The following ARSB variants were observed in gnomAD, a reference collection of about 807,000 sequenced individuals.
ARSB encodes arylsulfatase B, also known as N-acetylgalactosamine-4-sulfatase.
ARSB carries 41 observed loss-of-function variants against 50.9 expected under a neutral mutation model. That is an observed-to-expected ratio of 0.81 (90% CI 0.63 to 1.04). The LOEUF is 1.04. Ranked by LOEUF, ARSB falls within the 50% of genes least tolerant of loss-of-function variation. The probability of loss-of-function intolerance (pLI) is 0.00; values close to 1 mark genes in which losing one functional copy is unlikely to be tolerated. For missense variants in ARSB, 672 were observed against 693.3 expected, an observed-to-expected ratio of 0.97 and a Z score of 0.35; for synonymous variants, 269 against 284.8, an observed-to-expected ratio of 0.94 and a Z score of 0.56.
intron 6 of ARSB, among the ~76,000 whole-genome samples, chr5:78,812,696 TTAA>T (rs988431710): frequency 1.3e-5 from 2 of 151,280 alleles, no homozygotes; most frequent in Non-Finnish European, 2.9e-5. Context: ...ACACATGAGT[TTAA>T]TAATAATTGA....
At chr5:78,784,337 G>A (rs1349473956) in intron 6 of ARSB, among the ~76,000 whole-genome samples, 1 of 152,114 alleles carries the variant, frequency 6.6e-6, no homozygotes, top group East Asian at 1.9e-4. Flanking sequence ...CCAAACGAAA[G>A]GAAATCGGTA....
chr5:78,835,178 G>A (rs1266711150), intron 6 of ARSB, among the ~76,000 whole-genome samples: 3 of 152,000 alleles, frequency 2.0e-5, no homozygotes, highest in South Asian at 4.2e-4. Context: ...ATTTTGTGCC[G>A]ATCTTTGAGT....
intron 5 of ARSB, among the ~76,000 whole-genome samples, chr5:78,853,090 T>C (rs1244036578): frequency 2.0e-5 from 3 of 152,256 alleles, no homozygotes; most frequent in African/African-American, 4.8e-5. Flanking sequence ...CTTTGTTCCG[T>C]TGCTGGTGTG....
chr5:78,934,683 G>C (rs1750501399), intron 4 of ARSB, among the ~76,000 whole-genome samples: 1 of 151,932 alleles, frequency 6.6e-6, no homozygotes, highest in Non-Finnish European at 1.5e-5. Context: ...CCAGCTACTT[G>C]TGAGGTGGAG....
chr5:78,978,666 T>C (rs1315342943), intron 1 of ARSB, among the ~76,000 whole-genome samples: 1 of 152,202 alleles, frequency 6.6e-6, no homozygotes, highest in African/African-American at 2.4e-5. Flanking sequence ...GATAGGCATG[T>C]AGATCAATGG....
chr5:78,924,824 C>T (rs1205333458), intron 4 of ARSB, among the ~76,000 whole-genome samples: 2 of 152,136 alleles, frequency 1.3e-5, no homozygotes, highest in Non-Finnish European at 2.9e-5. Flanking sequence ...TGACATGTAA[C>T]TTTAAAAGCA....
intron 5 of ARSB, among the ~76,000 whole-genome samples, chr5:78,840,532 TAAAAC>T (rs936436139): frequency 6.6e-6 from 1 of 152,164 alleles, no homozygotes; most frequent in African/African-American, 2.4e-5. Flanking sequence ...TGAATTAATT[TAAAAC>T]AAAACAAAAT....
intron 5 of ARSB, among the ~76,000 whole-genome samples, chr5:78,860,809 C>G (rs1746396778): frequency 6.6e-6 from 1 of 152,060 alleles, no homozygotes; most frequent in Non-Finnish European, 1.5e-5. Context: ...TCAAAAAAAT[C>G]AATGAATCCA....
intron 1 of ARSB, among the ~76,000 whole-genome samples, chr5:78,976,762 A>G (rs1166542705): frequency 6.6e-6 from 1 of 152,234 alleles, no homozygotes; most frequent in South Asian, 2.1e-4. Flanking sequence ...TTTAGTGTAT[A>G]ATAGCCTCAA....
At position 78,985,082 on chromosome 5, in the gene ARSB, C is replaced by A; in HGVS notation, c.167G>T (p.Gly56Val). Residue 56 changes from glycine to valine, a missense_variant, in exon 1 of 8, where the codon GGC becomes GTC. Transcript: ENST00000264914. ...GCCGTGGAAGCCGACGTCGTTCCAGCCTAGGTCGTCTGCCAGCAAGAAGAC... is the reference window on the plus strand; with the variant it reads ...GCCGTGGAAGCCGACGTCGTTCCAGACTAGGTCGTCTGCCAGCAAGAAGAC... ...HLVFLLADDL[G>V]WNDVGFHGSR... The A allele has an allele frequency of 6.5e-7, 1 of 1,534,284 alleles. No individual in the cohort carries two copies. Among genetic ancestry groups the A allele is most frequent in the Non-Finnish European group, 8.8e-7 (1 of 1,140,498 alleles).
chr5:78,973,484 T>C (rs950896301), intron 1 of ARSB, among the ~76,000 whole-genome samples: 7 of 152,220 alleles, frequency 4.6e-5, no homozygotes, highest in African/African-American at 1.7e-4. Context: ...ATTTACATAT[T>C]GGTTGCACGT....
At chr5:78,977,445 C>G (rs191442599) in intron 1 of ARSB, among the ~76,000 whole-genome samples, 1 of 152,182 alleles carries the variant, frequency 6.6e-6, no homozygotes, top group Non-Finnish European at 1.5e-5. Flanking sequence ...TGAGCCACCA[C>G]GCCTGGCCTG....
In ARSB at chr5:78,781,862, C is replaced by A. The variant is rs537543103; in HGVS notation, c.1326G>T (p.Thr442=). 6.2e-7 allele frequency: 1 copy of A among 1,614,014 alleles called. No individual in the cohort carries two copies. The highest frequency in any genetic ancestry group is 2.2e-5 in the East Asian group (1 of 44,874). The change falls in exon 7 of 8, where the codon ACG becomes ACT. Residue 442 remains threonine, a synonymous_variant. Coordinates refer to ENST00000264914, the MANE Select transcript of ARSB (RefSeq NM_000046.5). The part of the protein sequence containing the change: ...AIRHGNWKLL[T]GYPGCGYWFP... The stretch of plus-strand genomic sequence containing the variant: ...AGCTAAGGACTCTACCTGGGTAGCC[C>A]GTGAGGAGTTTCCAATTTCCATGTC...
intron 4 of ARSB, among the ~76,000 whole-genome samples, chr5:78,895,624 A>G (rs1330098435): frequency 6.6e-6 from 1 of 152,214 alleles, no homozygotes; most frequent in Admixed American, 6.5e-5. Context: ...CTGAAAAGAG[A>G]GAAAATTATT....
At chr5:78,867,057 A>G (rs1044010003) in intron 5 of ARSB, among the ~76,000 whole-genome samples, 8 of 152,320 alleles carry the variant, frequency 5.3e-5, no homozygotes, top group Middle Eastern at 3.4e-3. Flanking sequence ...AAGGGGTGAC[A>G]GACGCACCTG....
At chr5:78,848,853 C>T (rs537709471) in intron 5 of ARSB, among the ~76,000 whole-genome samples, 1 of 152,294 alleles carries the variant, frequency 6.6e-6, no homozygotes, top group Admixed American at 6.5e-5. Flanking sequence ...TGTCTTTTGG[C>T]TGCATAAATG....
At chr5:78,808,685 C>G (rs1743678491) in intron 6 of ARSB, among the ~76,000 whole-genome samples, 1 of 152,184 alleles carries the variant, frequency 6.6e-6, no homozygotes, top group Non-Finnish European at 1.5e-5. Flanking sequence ...ATTTCCGGAG[C>G]CACAGGCAGC....
chr5:78,868,898 G>A (rs1474051284), intron 5 of ARSB, among the ~76,000 whole-genome samples: 2 of 151,572 alleles, frequency 1.3e-5, no homozygotes, highest in African/African-American at 2.4e-5. Context: ...ACCCATCAGT[G>A]TGCTGTATTC....
intron 5 of ARSB, chr5:78,885,202 T>A (rs1284487869): frequency 7.0e-6 from 2 of 286,086 alleles, no homozygotes; most frequent in African/African-American, 4.3e-5. Flanking sequence ...ATATCCCTAG[T>A]TCCTATTCCA....
Sources: gnomAD v4.1 joint callset for allele counts (sites outside exome capture counted in the v4.1 genomes callset) on GRCh38, gnomAD v4.1.1 for gene constraint, MANE v1.5 for transcripts, NCBI Gene and HGNC (gene_info 2026-07-23, HGNC 2026-07-21) for gene names.